Variants in AHRR observed in about 807,000 individuals in gnomAD.
AHRR encodes ahR repressor.
AHRR carries 28 observed loss-of-function variants against 44.0 expected under a neutral mutation model. The observed-to-expected ratio is 0.64, with a 90% CI of 0.47 to 0.87. The LOEUF (loss-of-function observed/expected upper bound fraction) is 0.87, where lower values mean the gene tolerates loss of function less well. Among genes scored for constraint, AHRR ranks in the 40% least tolerant of loss-of-function variants. AHRR has a pLI of 0.00. For missense variants in AHRR, 990 were observed against 953.9 expected, an observed-to-expected ratio of 1.04 and a Z score of -0.50; for synonymous variants, 434 against 407.0, an observed-to-expected ratio of 1.07 and a Z score of -0.80.
chr5:329,387 G>A (rs1036365990), intron 1 of AHRR, among the ~76,000 whole-genome samples: 1 of 152,140 alleles, frequency 6.6e-6, no homozygotes, highest in East Asian at 1.9e-4. Context: ...ATATGTTTTT[G>A]TAGAGATGAG....
chr5:413,297 T>C (rs1735546842), intron 4 of AHRR, 47 bp from the exon 5 acceptor site: 1 of 1,370,930 alleles, frequency 7.3e-7, no homozygotes, highest in East Asian at 2.3e-5. Flanking sequence ...TTTTTCATTT[T>C]GGGTGAGCCA....
intron 7 of AHRR, among the ~76,000 whole-genome samples, chr5:427,481 C>G (rs1251837061): frequency 6.6e-6 from 1 of 152,240 alleles, no homozygotes; most frequent in Non-Finnish European, 1.5e-5. Flanking sequence ...TGGCAGGTCC[C>G]ACAGGCGCAG....
rs1403323179 is a variant in AHRR, at chr5:321,993, G to T, written c.-11+174G>T. On this transcript the variant is annotated intron_variant, in intron 1 of 10. Transcript: ENST00000684583. This position sits in a 1 kb window ranked among gnomAD's most constrained non-coding sequence, Gnocchi z 8.3. ...CGGGACGGGGCGGACACTCTGGGGT[G>T]CGGCTGGCTGGTCTCACTTAAAACT... Among the ~76,000 whole-genome samples the T allele has an allele frequency of 6.6e-6, 1 of 152,172 alleles. No homozygotes were observed.
At chr5:376,548 A>AGGAATGAGAACCGTGCGG in intron 3 of AHRR, 62 bp from the exon 4 acceptor site, 1 of 1,416,504 alleles carries the variant, frequency 7.1e-7, no homozygotes, top group South Asian at 1.4e-5. Flanking sequence ...AAAGATGTGA[A>AGGAATGAGAACCGTGCGG]TGAAGAAGAG....
chr5:400,183 T>C (rs1445484485), intron 4 of AHRR, among the ~76,000 whole-genome samples: 3 of 152,252 alleles, frequency 2.0e-5, no homozygotes, highest in African/African-American at 7.2e-5. Context: ...TTGTTCCTTT[T>C]TCCCTCATTT....
Position 353,835 on chromosome 5 carries a change from C to T in AHRR, c.168C>T (p.Asp56=). Residue 56 remains aspartate, a synonymous_variant, in exon 3 of 11, where the codon GAC becomes GAT. Coordinates refer to ENST00000684583, the MANE Select transcript of AHRR (RefSeq NM_001377236.1). The part of the protein sequence containing the change: ...HLASLLPFPP[D]IISKLDKLSV... The stretch of plus-strand genomic sequence containing the variant: ...CCAGCCTGCTGCCGTTCCCGCCTGA[C>T]ATCATCTCCAAGCTGGACAAGCTTT... 6.2e-7 allele frequency: 1 copy of T among 1,614,158 alleles called. No homozygotes were observed. The highest frequency in any genetic ancestry group is 8.5e-7 in the Non-Finnish European group (1 of 1,180,028).
At chr5:393,313 A>C (rs998196107) in intron 4 of AHRR, among the ~76,000 whole-genome samples, 6 of 152,072 alleles carry the variant, frequency 3.9e-5, no homozygotes, top group African/African-American at 1.4e-4. Flanking sequence ...TTGTCTTTGC[A>C]CCTAACGTTA....
chr5:324,375 C>T (rs1741627708), intron 1 of AHRR, among the ~76,000 whole-genome samples: 1 of 151,528 alleles, frequency 6.6e-6, no homozygotes, highest in African/African-American at 2.4e-5. Context: ...AGCCGCCTAG[C>T]TGTTTCAATG....
At position 404,026 on chromosome 5, in the gene AHRR, G is replaced by T; in HGVS notation, c.352-9318G>T. ...AACTTGGTGTTTTTTCTTAATCCAC[G>T]GCTGAATCTGTTTAGTCTTTGCATC... On this transcript the variant is annotated intron_variant, in intron 4 of 10. Transcript: ENST00000684583. The surrounding 1 kb of genome is among the most constrained non-coding windows in gnomAD (Gnocchi z 4.1). The T allele has an allele frequency of 2.5e-6, 2 of 794,964 alleles. No individual in the cohort carries two copies. The highest frequency in any genetic ancestry group is 4.4e-6 in the Non-Finnish European group (2 of 457,432). 49.2% of individuals were successfully genotyped at this position (794,964 alleles called of 1,614,324 possible). A position where few individuals can be genotyped will look rare whatever the true frequency, so the allele number is the denominator to read the frequency against.
chr5:416,154 G>T (rs1354373857), intron 5 of AHRR, among the ~76,000 whole-genome samples: 7 of 152,244 alleles, frequency 4.6e-5, no homozygotes, highest in African/African-American at 1.4e-4. Flanking sequence ...AGGACGCAGG[G>T]GGACATGGCT....
chr5:388,406 C>A lies in AHRR; in HGVS notation c.351+11690C>A, dbSNP rs1006636880. Among the ~76,000 whole-genome samples the A allele has an allele frequency of 6.6e-6, 1 of 152,360 alleles. No homozygotes were observed. Among genetic ancestry groups the A allele is most frequent in the Admixed American group, 6.5e-5 (1 of 15,302 alleles). ...GCTATGGGGAGGGTACCTGCCATTA[C>A]CTCTGTTTATGCTTGGGGAAACTGA... On this transcript the variant is annotated intron_variant, in intron 4 of 10. Coordinates refer to ENST00000684583, the MANE Select transcript of AHRR (RefSeq NM_001377236.1). This position sits in a 1 kb window ranked among gnomAD's most constrained non-coding sequence, Gnocchi z 5.2.
chr5:374,676 A>G (rs1327547935), intron 3 of AHRR, among the ~76,000 whole-genome samples: 1 of 152,242 alleles, frequency 6.6e-6, no homozygotes, highest in Non-Finnish European at 1.5e-5. Context: ...AGAGAGGCCG[A>G]GTCCCAAGGC....
At chr5:362,429 CAT>C (rs1451783700) in intron 3 of AHRR, among the ~76,000 whole-genome samples, 1 of 152,240 alleles carries the variant, frequency 6.6e-6, no homozygotes, top group Non-Finnish European at 1.5e-5. Context: ...GGCATGGGCA[CAT>C]GTGGGTCGAG....
rs1387731710 is a variant in AHRR at position 404,314 on chromosome 5, G to C, written c.352-9030G>C. 1 of 489,062 alleles carries C rather than the reference G, an allele frequency of 2.0e-6. No individual in the cohort carries two copies. Among genetic ancestry groups the C allele is most frequent in the Non-Finnish European group, 4.1e-6 (1 of 246,200 alleles). The allele number at this position is 489,062 out of a possible 1,614,324, so 30.3% of individuals were successfully genotyped here. A position where few individuals can be genotyped will look rare whatever the true frequency, so the allele number is the denominator to read the frequency against. On this transcript the variant is annotated intron_variant, in intron 4 of 10. Transcript: ENST00000684583. The surrounding 1 kb of genome is among the most constrained non-coding windows in gnomAD (Gnocchi z 4.1). ...GAATAATTCGCTAATTTTTCTTCCA[G>C]TGTTACTAAAAGCTGTTTCACTCTT...
rs1734270304 is a variant in AHRR, at chr5:388,645, GGGCTT to G, written c.351+11932_351+11936del. 6.6e-6 allele frequency among the ~76,000 whole-genome samples: 1 copy of G among 152,162 alleles called. No homozygotes were observed. Among genetic ancestry groups the G allele is most frequent in the Non-Finnish European group, 1.5e-5 (1 of 68,020 alleles). On this transcript the variant is annotated intron_variant, in intron 4 of 10. Transcript: ENST00000684583. The surrounding 1 kb of genome is among the most constrained non-coding windows in gnomAD (Gnocchi z 5.2). ...GACTGGAGGGGCACAGCCTGGCATG[GGGCTT>G]GGTGACATGAGGAGCGGGGGTGTCA...
chr5:424,632 A>G (rs746460254), intron 7 of AHRR, among the ~76,000 whole-genome samples: 1 of 152,152 alleles, frequency 6.6e-6, no homozygotes, highest in Non-Finnish European at 1.5e-5. Context: ...TTGTACCTTT[A>G]TTTAAAACTT....
intron 4 of AHRR, among the ~76,000 whole-genome samples, chr5:378,873 G>A (rs968558071): frequency 1.3e-5 from 2 of 152,194 alleles, no homozygotes; most frequent in African/African-American, 4.8e-5. Context: ...CTTAAGTTCA[G>A]CTAGAATTCA....
At chr5:365,457 G>A (rs1743323581) in intron 3 of AHRR, among the ~76,000 whole-genome samples, 1 of 152,162 alleles carries the variant, frequency 6.6e-6, no homozygotes, top group Non-Finnish European at 1.5e-5. Flanking sequence ...TGTGTGGGAT[G>A]TAGCCAAAGA....
Position 434,361 on chromosome 5 carries a change from TG to T in AHRR, c.1622del (p.Cys541LeufsTer32). Reference protein sequence around the residue: ...VSIKMEKDSGCEGAADGCVPS... With the variant: ...VSIKMEKDSGXEGAADGCVPS... ...CATCAAGATGGAGAAGGACTCTGGG[TG>T]TGAGGGTGCTGCAGACGGCTGTGTG... On this transcript the variant is annotated frameshift_variant, in exon 11 of 11. Coordinates refer to ENST00000684583, the MANE Select transcript of AHRR (RefSeq NM_001377236.1). 1.2e-6 allele frequency: 2 copies of T among 1,613,262 alleles called. No homozygotes were observed. The highest frequency in any genetic ancestry group is 2.7e-5 in the African/African-American group (2 of 74,968).
Sources: gnomAD v4.1 joint callset for allele counts (sites outside exome capture counted in the v4.1 genomes callset) on GRCh38, gnomAD v4.1.1 for gene constraint, Gnocchi (gnomAD v3.1) non-coding constraint, MANE v1.5 for transcripts, NCBI Gene and HGNC (gene_info 2026-07-23, HGNC 2026-07-21) for gene names.